MAP2K3: variants seen among roughly 807,000 people sequenced by gnomAD.
MAP2K3 encodes the protein mitogen-activated protein kinase kinase 3, also known as dual specificity mitogen-activated protein kinase kinase 3.
MAP2K3 carries 30 observed loss-of-function variants against 46.4 expected under a neutral mutation model. The observed-to-expected ratio is 0.65, with a 90% CI of 0.48 to 0.88. The LOEUF is 0.88. MAP2K3 is among the 40% of genes least tolerant of loss of function. The probability of loss-of-function intolerance (pLI) is 0.00; values close to 1 mark genes in which losing one functional copy is unlikely to be tolerated. For missense variants in MAP2K3, 380 were observed against 464.5 expected, an observed-to-expected ratio of 0.82 and a Z score of 1.67; for synonymous variants, 189 against 176.3, an observed-to-expected ratio of 1.07 and a Z score of -0.57.
intron 9 of MAP2K3, among the ~76,000 whole-genome samples, chr17:21,309,644 C>G (rs76044378): frequency 6.6e-6 from 1 of 152,122 alleles, no homozygotes; most frequent in Non-Finnish European, 1.5e-5. Context: ...AACAGAGCCT[C>G]GCTCTGTCAC....
chr17:21,311,950 C>T (rs914808575), intron 9 of MAP2K3, 192 bp from the exon 10 acceptor site: 25 of 521,466 alleles, frequency 4.8e-5, no homozygotes, highest in African/African-American at 1.8e-4. Context: ...CTGGCTGGGT[C>T]GGAGGAGCTA....
intron 3 of MAP2K3, among the ~76,000 whole-genome samples, chr17:21,299,132 T>G (rs1476483173): frequency 1.3e-5 from 2 of 152,426 alleles, no homozygotes; most frequent in East Asian, 3.9e-4. Context: ...GACCATCGGC[T>G]GCCTGACTGG....
At chr17:21,304,612 C>A in intron 8 of MAP2K3, 59 bp downstream of exon 8, 5 of 1,609,446 alleles carry the variant, frequency 3.1e-6, no homozygotes, top group Non-Finnish European at 4.2e-6. Flanking sequence ...GAAATCTGCC[C>A]AGGCTGGCCA....
chr17:21,288,541 G>C (rs984737761), intron 1 of MAP2K3, among the ~76,000 whole-genome samples: 6 of 152,230 alleles, frequency 3.9e-5, no homozygotes, highest in African/African-American at 1.4e-4. Flanking sequence ...TCCAGAGCCT[G>C]ACTGCCTGGG....
At chr17:21,293,673 C>G (rs1976075601) in intron 1 of MAP2K3, among the ~76,000 whole-genome samples, 1 of 152,260 alleles carries the variant, frequency 6.6e-6, no homozygotes. Context: ...TGGCCTTGCA[C>G]AGCCGGGCAG....
At chr17:21,297,101 G>A (rs925806961) in intron 1 of MAP2K3, among the ~76,000 whole-genome samples, 1 of 152,310 alleles carries the variant, frequency 6.6e-6, no homozygotes, top group African/African-American at 2.4e-5. Context: ...TCTGTTTCCT[G>A]TTGTTCTGGC....
intron 3 of MAP2K3, among the ~76,000 whole-genome samples, chr17:21,299,758 A>G (rs1976485776): frequency 2.0e-5 from 3 of 152,240 alleles, no homozygotes; most frequent in African/African-American, 7.2e-5. Flanking sequence ...TGAGGCGGGT[A>G]GATCACCTGA....
chr17:21,293,096 T>C (rs927552501), intron 1 of MAP2K3, among the ~76,000 whole-genome samples: 2 of 152,302 alleles, frequency 1.3e-5, no homozygotes, highest in Non-Finnish European at 2.9e-5. Context: ...TAAATGTTAG[T>C]GGGTGTTGTA....
At chr17:21,291,772 C>G in intron 1 of MAP2K3, 1 of 366,954 alleles carries the variant, frequency 2.7e-6, no homozygotes, top group Non-Finnish European at 5.4e-6. Context: ...TCATCAACCC[C>G]ATCTTAGGAG....
chr17:21,288,907 G>C (rs1975800362), intron 1 of MAP2K3, among the ~76,000 whole-genome samples: 1 of 152,260 alleles, frequency 6.6e-6, no homozygotes, highest in Admixed American at 6.5e-5. Context: ...GGCAAGTCTT[G>C]TGCCCTCTTT....
chr17:21,291,262 T>TACAATAGAATACAATACAATAGAATA (rs369624182), intron 1 of MAP2K3, among the ~76,000 whole-genome samples: 1 of 79,530 alleles, frequency 1.3e-5, no homozygotes, highest in Non-Finnish European at 2.7e-5. Context: ...TACAATACAA[T>TACAATAGAATACAATACAATAGAATA]CAATACAATA....
chr17:21,301,100 G>A (rs1567668439), intron 5 of MAP2K3, 107 bp downstream of exon 5: 3 of 1,574,078 alleles, frequency 1.9e-6, no homozygotes, highest in East Asian at 4.5e-5. Flanking sequence ...GGGGACACCT[G>A]GCATACTGGC....
At chr17:21,304,296 GC>G in intron 7 of MAP2K3, 129 bp from the exon 8 acceptor site, 1 of 1,533,416 alleles carries the variant, frequency 6.5e-7, no homozygotes, top group Admixed American at 1.7e-5. Flanking sequence ...GGTGCAACCT[GC>G]CCACTGGGGC....
intron 9 of MAP2K3, 52 bp downstream of exon 9, chr17:21,305,180 G>C (rs745373974): frequency 1.2e-5 from 20 of 1,612,008 alleles, no homozygotes; most frequent in Non-Finnish European, 1.6e-5. Context: ...GGTGGGTGGA[G>C]CCGTGCCTGG....
chr17:21,312,222 G>T lies in MAP2K3; in HGVS notation c.855G>T (p.Pro285=), dbSNP rs376993160. 9 of 1,604,216 alleles carry T rather than the reference G, an allele frequency of 5.6e-6. No homozygotes were observed. The highest frequency in any genetic ancestry group is 7.6e-6 in the Non-Finnish European group (9 of 1,176,632). The change falls in exon 10 of 12, where the codon CCG becomes CCT. Residue 285 remains proline (P), a synonymous_variant. Transcript: ENST00000342679. The stretch of plus-strand genomic sequence containing the variant: ...AGCTGAAGCAGGTGGTGGAGGAGCC[G>T]TCCCCCCAGCTCCCAGCCGACCGTT... ...FQQLKQVVEE[P]SPQLPADRFS...
At chr17:21,310,260 C>T (rs1365748861) in intron 9 of MAP2K3, among the ~76,000 whole-genome samples, 4 of 151,644 alleles carry the variant, frequency 2.6e-5, no homozygotes, top group East Asian at 2.0e-4. Context: ...CTGCCTGCCT[C>T]GGCCTCCCAA....
At chr17:21,293,943 C>G (rs1976091404) in intron 1 of MAP2K3, among the ~76,000 whole-genome samples, 1 of 152,306 alleles carries the variant, frequency 6.6e-6, no homozygotes, top group Non-Finnish European at 1.5e-5. Context: ...TGCATGGCCA[C>G]CCCCTGCTGC....
At chr17:21,293,987 T>A (rs1441128314) in intron 1 of MAP2K3, among the ~76,000 whole-genome samples, 2 of 152,306 alleles carry the variant, frequency 1.3e-5, no homozygotes, top group African/African-American at 4.8e-5. Context: ...CTGCAGTACC[T>A]CAGGACCTCT....
chr17:21,300,087 A>C (rs1976505251), intron 3 of MAP2K3, among the ~76,000 whole-genome samples: 1 of 152,310 alleles, frequency 6.6e-6, no homozygotes, highest in Non-Finnish European at 1.5e-5. Flanking sequence ...CTACTTGCTT[A>C]CTCCTTTTTG....
Sources: allele counts gnomAD v4.1 joint callset (sites outside exome capture counted in the v4.1 genomes callset), GRCh38; gene constraint gnomAD v4.1.1; transcripts MANE v1.5; gene names NCBI Gene and HGNC (gene_info 2026-07-23, HGNC 2026-07-21).